Variants in RNLS observed in about 807,000 individuals in gnomAD.
RNLS encodes the protein renalase, FAD dependent amine oxidase.
Under a neutral mutation model 39.8 loss-of-function variants are expected in RNLS, and 39 were observed. The observed-to-expected ratio is 0.98, with a 90% CI of 0.76 to 1.28. RNLS has a LOEUF of 1.28. Among genes scored for constraint, RNLS ranks in the 50% most tolerant of loss-of-function variants. The pLI is 0.00. For missense variants in RNLS, 410 were observed against 413.3 expected (o/e 0.99, Z 0.07); for synonymous variants, 147 against 150.7 (o/e 0.98, Z 0.18).
At chr10:88,271,347 G>C (rs766292866), downstream of RNLS, among the ~76,000 whole-genome samples, 19 of 152,160 alleles carry the variant, frequency 1.2e-4, no homozygotes, top group Non-Finnish European at 2.6e-4. Flanking sequence ...TTTTCAGTTT[G>C]AGTAATTCCA....
chr10:88,355,668 C>G (rs2133324959), intron 5 of RNLS, among the ~76,000 whole-genome samples: 1 of 152,192 alleles, frequency 6.6e-6, no homozygotes, highest in Middle Eastern at 3.4e-3. Flanking sequence ...CAGGGGCCCA[C>G]TTGAGGAGGC....
At chr10:88,331,242 T>C (rs888263899) in intron 5 of RNLS, among the ~76,000 whole-genome samples, 1 of 152,198 alleles carries the variant, frequency 6.6e-6, no homozygotes, top group Non-Finnish European at 1.5e-5. Context: ...CAGAGACTTT[T>C]TCCATCTGAA....
the RNLS span, among the ~76,000 whole-genome samples, chr10:88,256,617 G>A: frequency 7.9e-5 from 12 of 152,194 alleles, no homozygotes; most frequent in South Asian, 2.1e-4. Flanking sequence ...TTGTTGCCAA[G>A]ATAAACATGG....
At chr10:88,423,121 T>C (rs916054025) in intron 4 of RNLS, among the ~76,000 whole-genome samples, 4 of 152,208 alleles carry the variant, frequency 2.6e-5, no homozygotes, top group African/African-American at 9.7e-5. Context: ...AATCACTGAA[T>C]ACTAGTTCTG....
At chr10:88,411,889 C>A (rs904275946) in intron 4 of RNLS, among the ~76,000 whole-genome samples, 1 of 152,032 alleles carries the variant, frequency 6.6e-6, no homozygotes, top group African/African-American at 2.4e-5. Flanking sequence ...CATGCGATGA[C>A]ATGGAGCTGT....
rs552003145 is a variant in RNLS, at chr10:88,294,677, A to G, written c.877-9171T>C. Among the ~76,000 whole-genome samples the G allele has an allele frequency of 2.1e-4, 32 of 152,262 alleles. 1 individual carries two copies. In the South Asian group the frequency reaches 5.4e-3, roughly 26 times the overall value. On this transcript the variant is annotated intron_variant, in intron 6 of 6. Coordinates refer to ENST00000331772, the MANE Select transcript of RNLS (RefSeq NM_001031709.3). ...GTTTAAAAGCCTTTTGAGTCCTTAA[A>G]GTAGCAAGCTATGGGGGCTGTGTCT... is the stretch of plus-strand genomic sequence containing the variant.
intron 4 of RNLS, among the ~76,000 whole-genome samples, chr10:88,452,504 T>C (rs1420956580): frequency 6.6e-6 from 1 of 151,628 alleles, no homozygotes; most frequent in East Asian, 1.9e-4. Context: ...GTGTAGACTT[T>C]ATGTATGTCC....
At chr10:88,189,370 T>G in the RNLS span, among the ~76,000 whole-genome samples, 1 of 152,218 alleles carries the variant, frequency 6.6e-6, no homozygotes, top group Non-Finnish European at 1.5e-5. Context: ...CTCTGTGTAT[T>G]TTAGGTTGAT....
chr10:88,558,459 T>A (rs1848990388), intron 4 of RNLS, among the ~76,000 whole-genome samples: 1 of 152,196 alleles, frequency 6.6e-6, no homozygotes, highest in East Asian at 1.9e-4. Context: ...CTTTATGTTG[T>A]TATTTTTTTT....
At chr10:88,548,727 T>A (rs1407278544) in intron 4 of RNLS, among the ~76,000 whole-genome samples, 1 of 148,454 alleles carries the variant, frequency 6.7e-6, no homozygotes, top group Non-Finnish European at 1.5e-5. Flanking sequence ...ATATTAAATA[T>A]ATATGGCCAT....
intron 4 of RNLS, among the ~76,000 whole-genome samples, chr10:88,413,942 T>A (rs1853856694): frequency 6.6e-6 from 1 of 152,192 alleles, no homozygotes; most frequent in African/African-American, 2.4e-5. Context: ...GTACCAAAAA[T>A]AAACAGCCTT....
At chr10:88,519,869 G>T (rs7474889) in intron 4 of RNLS, among the ~76,000 whole-genome samples, 1 of 151,618 alleles carries the variant, frequency 6.6e-6, no homozygotes, top group Admixed American at 6.6e-5. Context: ...TGTATTTAGC[G>T]CTGCCTCCAG....
intron 4 of RNLS, among the ~76,000 whole-genome samples, chr10:88,376,569 A>C (rs1056439069): frequency 6.6e-6 from 1 of 152,158 alleles, no homozygotes; most frequent in Admixed American, 6.6e-5. Flanking sequence ...AAGCAGCTCC[A>C]ACTGTTACTC....
chr10:88,204,004 G>A, the RNLS span, among the ~76,000 whole-genome samples: 3 of 151,932 alleles, frequency 2.0e-5, no homozygotes, highest in African/African-American at 7.3e-5. Flanking sequence ...TGTTCACCAC[G>A]GATACTTTAG....
intron 4 of RNLS, among the ~76,000 whole-genome samples, chr10:88,502,173 A>G (rs2576169): frequency 0.28 from 42,987 of 151,878 alleles, 7,360 homozygotes; most frequent in East Asian, 0.46. Context: ...TCTTTATTCT[A>G]TCCAAATATT....
chr10:88,312,683 A>G (rs937648614), intron 6 of RNLS, among the ~76,000 whole-genome samples: 2 of 152,206 alleles, frequency 1.3e-5, no homozygotes, highest in African/African-American at 4.8e-5. Context: ...CTGCTTTTAA[A>G]ACATATATAT....
At chr10:88,370,002 T>A (rs1018911359) in intron 4 of RNLS, among the ~76,000 whole-genome samples, 9 of 152,118 alleles carry the variant, frequency 5.9e-5, no homozygotes, top group Admixed American at 5.9e-4. Context: ...ATTCTTTACA[T>A]AAAACTCTTT....
At chr10:88,368,804 G>C (rs1201884193) in intron 4 of RNLS, among the ~76,000 whole-genome samples, 1 of 151,844 alleles carries the variant, frequency 6.6e-6, no homozygotes, top group Non-Finnish European at 1.5e-5. Flanking sequence ...ATTTCCTTAA[G>C]ATAGATATTG....
intron 4 of RNLS, among the ~76,000 whole-genome samples, chr10:88,380,571 A>G (rs907129243): frequency 1.3e-5 from 2 of 149,762 alleles, no homozygotes; most frequent in African/African-American, 4.9e-5. Context: ...TTTTTAGTAG[A>G]GACGGGGTTT....
Sources: allele counts gnomAD v4.1 joint callset (sites outside exome capture counted in the v4.1 genomes callset), GRCh38; gene constraint gnomAD v4.1.1; transcripts MANE v1.5; gene names NCBI Gene and HGNC (gene_info 2026-07-23, HGNC 2026-07-21).